Variants in TP73 observed in about 807,000 individuals in gnomAD.
The protein encoded by TP73 is p53-like transcription factor.
Under a neutral mutation model 62.5 loss-of-function variants are expected in TP73, and 25 were observed. The observed-to-expected ratio is 0.40, with a 90% CI of 0.29 to 0.56. TP73 has a LOEUF of 0.56. Among genes scored for constraint, TP73 ranks in the 20% least tolerant of loss-of-function variants. The pLI is 0.46. For missense variants in TP73, 754 were observed against 913.3 expected (o/e 0.83, Z 2.25); for synonymous variants, 423 against 377.5 (o/e 1.12, Z -1.40).
intron 7 of TP73, 75 bp downstream of exon 7, chr1:3,727,299 T>C (rs1641729269): frequency 7.2e-7 from 1 of 1,398,258 alleles, no homozygotes; most frequent in Non-Finnish European, 1.0e-6. Context: ...GGAGCTGTCA[T>C]GGAGACCTGC....
chr1:3,712,223 TG>T (rs1448621876), intron 4 of TP73: 1 of 152,216 alleles, frequency 6.6e-6, no homozygotes, highest in Admixed American at 6.5e-5. Context: ...ATGTTTATTG[TG>T]GAGATGAAAC....
Position 3,723,228 on chromosome 1 carries a change from C to T in TP73, c.617-126C>T, listed in dbSNP as rs1641243003. On this transcript the variant is annotated intron_variant, in intron 5 of 13. Transcript: ENST00000378295. ...TTTGAACCTGGCACGGGGCTGGGTA[C>T]CTCTCTGCACCTGACATGGGGCTGG... The T allele has an allele frequency of 6.9e-6, 5 of 720,558 alleles. No homozygotes were observed. In the South Asian group the frequency reaches 8.5e-5, roughly 12 times the overall value. 44.6% of individuals were successfully genotyped at this position (720,558 alleles called of 1,614,324 possible).
intron 3 of TP73, among the ~76,000 whole-genome samples, chr1:3,686,715 C>A (rs1040397952): frequency 6.6e-6 from 1 of 152,154 alleles, no homozygotes; most frequent in African/African-American, 2.4e-5. Context: ...GGCCATCTGA[C>A]TGAGGTGGCC....
rs2102020911 is a variant in TP73, at chr1:3,663,887, C to G, written c.-34+11246C>G. 6.6e-6 allele frequency among the ~76,000 whole-genome samples: 1 copy of G among 152,236 alleles called. No homozygotes were observed. The highest frequency in any genetic ancestry group is 1.9e-4 in the East Asian group (1 of 5,176). On this transcript the variant is annotated intron_variant, in intron 1 of 13. Transcript: ENST00000378295. The surrounding 1 kb of genome is among the most constrained non-coding windows in gnomAD (Gnocchi z 4.7). ...TGACAGGGAGCAGGAGAGAGCATAC[C>G]TGCTTTCCCTGGCTTCTCAGATGCC...
intron 6 of TP73, among the ~76,000 whole-genome samples, chr1:3,724,286 G>T (rs779590265): frequency 5.1e-4 from 77 of 152,010 alleles, no homozygotes; most frequent in Middle Eastern, 3.2e-3. Context: ...GCAGGCAATG[G>T]CAGGCCTCTG....
intron 1 of TP73, among the ~76,000 whole-genome samples, chr1:3,653,757 G>A (rs1174868370): frequency 2.0e-5 from 3 of 152,222 alleles, no homozygotes; most frequent in Non-Finnish European, 4.4e-5. Context: ...TGAGCGCTGA[G>A]CCACCCCTCT....
rs1421610367 is a variant in TP73, at chr1:3,735,183, C to T, written c.*2104C>T. On this transcript the variant is annotated 3_prime_UTR_variant, in exon 14 of 14. Transcript: ENST00000378295. ...GGGCTGGGCACCTGCTACCCGAGGCCACCTCCTGAAGCCCCCACTCTTCCC... is the reference window on the plus strand; with the variant it reads ...GGGCTGGGCACCTGCTACCCGAGGCTACCTCCTGAAGCCCCCACTCTTCCC... 1 of 152,330 alleles carries T rather than the reference C, an allele frequency of 6.6e-6. No homozygotes were observed. The highest frequency in any genetic ancestry group is 1.9e-4 in the East Asian group (1 of 5,178). The allele number at this position is 152,330 out of a possible 1,614,324, so 9.4% of individuals were successfully genotyped here. A position where few individuals can be genotyped will look rare whatever the true frequency, so the allele number is the denominator to read the frequency against.
chr1:3,695,577 C>T (rs1033285132), intron 3 of TP73, among the ~76,000 whole-genome samples: 18 of 152,230 alleles, frequency 1.2e-4, no homozygotes, highest in Admixed American at 6.5e-4. Flanking sequence ...CCCCCACTCC[C>T]GTGCGCCCCA....
intron 1 of TP73, among the ~76,000 whole-genome samples, chr1:3,674,822 G>A (rs1030918345): frequency 3.3e-5 from 5 of 152,212 alleles, no homozygotes; most frequent in Admixed American, 6.5e-5. Context: ...CAGGAATTCC[G>A]CTGGGCTGCT....
chr1:3,690,533 C>A, intron 3 of TP73: 1 of 881,432 alleles, frequency 1.1e-6, no homozygotes, highest in Non-Finnish European at 1.4e-6. Flanking sequence ...ATTATGGAGC[C>A]GGCGCTGACC....
At chr1:3,689,826 C>A (rs1432009577) in intron 3 of TP73, among the ~76,000 whole-genome samples, 1 of 152,136 alleles carries the variant, frequency 6.6e-6, no homozygotes, top group Non-Finnish European at 1.5e-5. Context: ...GGTCCGCAGG[C>A]CCCAGTCCCC....
chr1:3,722,250 A>C lies in TP73; in HGVS notation c.616+43A>C, dbSNP rs1347953819. On this transcript the variant is annotated intron_variant, in intron 5 of 13. Coordinates refer to ENST00000378295, the MANE Select transcript of TP73 (RefSeq NM_005427.4). ...CTCTGCCCACGGTGGCACTTTGCCC[A>C]GCATCCCGGACAGCACAGCCGGGGG... is the stretch of plus-strand genomic sequence containing the variant. 3.7e-6 allele frequency: 6 copies of C among 1,607,794 alleles called. No homozygotes were observed. The African/African-American group carries it at 5.4e-5, about 14-fold the overall frequency.
intron 1 of TP73, among the ~76,000 whole-genome samples, chr1:3,653,381 C>T (rs1644800829): frequency 6.6e-6 from 1 of 152,250 alleles, no homozygotes. Context: ...CCCTGCCTTT[C>T]CCGGGGCTTG....
At chr1:3,691,850 G>A (rs1036154458) in intron 3 of TP73, among the ~76,000 whole-genome samples, 1 of 152,360 alleles carries the variant, frequency 6.6e-6, no homozygotes, top group Middle Eastern at 3.4e-3. Flanking sequence ...GCACTGGGAT[G>A]TAGAGGCCCA....
intron 1 of TP73, among the ~76,000 whole-genome samples, chr1:3,660,478 G>A (rs1644965450): frequency 6.6e-6 from 1 of 152,158 alleles, no homozygotes; most frequent in African/African-American, 2.4e-5. Flanking sequence ...CCTATTACAA[G>A]GCAGCAGATT....
At position 3,668,206 on chromosome 1, in the gene TP73, G is replaced by A. The variant is rs547805729; in HGVS notation, c.-33-14127G>A. On this transcript the variant is annotated intron_variant, in intron 1 of 13. Transcript: ENST00000378295. ...CTGCAGCCAAGGAACCCAAATTGGT[G>A]TGCTTGAGAATGACCCATGGATACA... 2.6e-5 allele frequency among the ~76,000 whole-genome samples: 4 copies of A among 152,326 alleles called. No homozygotes were observed. In the East Asian group the frequency reaches 5.8e-4, roughly 22 times the overall value.
chr1:3,715,555 G>A (rs80004076), intron 4 of TP73, among the ~76,000 whole-genome samples: 4,599 of 152,108 alleles, frequency 0.03, 154 homozygotes, highest in East Asian at 0.17. Context: ...GACCTCCCAG[G>A]GCCAAGGTCA....
chr1:3,717,967 C>T (rs1207340702), intron 4 of TP73, among the ~76,000 whole-genome samples: 2 of 152,200 alleles, frequency 1.3e-5, no homozygotes, highest in Admixed American at 1.3e-4. Flanking sequence ...AGAGCCAGGC[C>T]CAGGACCTTG....
At chr1:3,707,826 C>T (rs780937415) in intron 4 of TP73, 35 bp downstream of exon 4, 28 of 1,592,746 alleles carry the variant, frequency 1.8e-5, no homozygotes, top group Admixed American at 1.2e-4. Flanking sequence ...CTGCGGGCTG[C>T]GGGCTGCGGG....
Sources: allele counts gnomAD v4.1 joint callset (sites outside exome capture counted in the v4.1 genomes callset), GRCh38; gene constraint gnomAD v4.1.1; non-coding constraint Gnocchi (gnomAD v3.1); transcripts MANE v1.5; gene names NCBI Gene and HGNC (gene_info 2026-07-23, HGNC 2026-07-21).